The following C16orf74 variants were observed in gnomAD, a reference collection of about 807,000 sequenced individuals.
C16orf74 encodes the protein calcimembrin.
C16orf74 carries 10 observed loss-of-function variants against 6.5 expected under a neutral mutation model. That is an observed-to-expected ratio of 1.54 (90% CI 0.95 to 2.61). The LOEUF is 2.61. C16orf74 is among the 30% of genes most tolerant of loss of function. The pLI is 0.00. For synonymous variants in C16orf74, 60 were observed against 42.5 expected (o/e 1.41, Z -1.60); for missense variants, 141 against 105.9 (o/e 1.33, Z -1.45).
chr16:85,744,641 T>A (rs567598164), intron 1 of C16orf74, among the ~76,000 whole-genome samples: 8 of 151,642 alleles, frequency 5.3e-5, no homozygotes, highest in African/African-American at 1.9e-4. Context: ...CCATCCTGGC[T>A]AACACGGTGA....
At chr16:85,735,431 G>C (rs1207177387) in intron 1 of C16orf74, among the ~76,000 whole-genome samples, 196 bp from the exon 2 acceptor site, 1 of 152,178 alleles carries the variant, frequency 6.6e-6, no homozygotes, top group African/African-American at 2.4e-5. Flanking sequence ...GTCTGTGACG[G>C]TGGAAAAAAC....
At chr16:85,746,920 G>A (rs2054380215) in intron 1 of C16orf74, among the ~76,000 whole-genome samples, 1 of 152,228 alleles carries the variant, frequency 6.6e-6, no homozygotes, top group Non-Finnish European at 1.5e-5. Flanking sequence ...GATACTGCAA[G>A]CATTCATGTG....
In C16orf74 at chr16:85,745,139, T is replaced by TAAAAAAAAAAAAA. The variant is rs10554549; in HGVS notation, c.-19+5774_-19+5786dup. Among the ~76,000 whole-genome samples the TAAAAAAAAAAAAA allele has an allele frequency of 2.1e-3, 106 of 51,010 alleles. 5 individuals carry two copies. The highest frequency in any genetic ancestry group is 9.5e-3 in the African/African-American group (106 of 11,150). The allele number at this position is 51,010 out of a possible 152,430, so 33.5% of individuals were successfully genotyped here. A position where few individuals can be genotyped will look rare whatever the true frequency, so the allele number is the denominator to read the frequency against. ...CTGGGCAACAAGACGAAACTCTGTC[T>TAAAAAAAAAAAAA]AAAAAAAAAAAAAAAAAAAAAAAAA... is the stretch of plus-strand genomic sequence containing the variant. On this transcript the variant is annotated intron_variant, in intron 1 of 3. Coordinates refer to ENST00000284245, the MANE Select transcript of C16orf74 (RefSeq NM_206967.3).
intron 3 of C16orf74, 63 bp downstream of exon 3, chr16:85,710,101 G>T: frequency 5.2e-6 from 7 of 1,338,036 alleles, no homozygotes; most frequent in Non-Finnish European, 5.8e-6. Context: ...GGACGCCCCT[G>T]AGAGCTGTCT....
At chr16:85,709,214 C>T (rs748414919) in intron 3 of C16orf74, among the ~76,000 whole-genome samples, 16 of 152,046 alleles carry the variant, frequency 1.1e-4, no homozygotes, top group African/African-American at 3.4e-4. Flanking sequence ...ATTAGCTGGG[C>T]GTGGTGGCAG....
intron 2 of C16orf74, among the ~76,000 whole-genome samples, chr16:85,717,808 G>A (rs1441633508): frequency 6.6e-6 from 1 of 152,228 alleles, no homozygotes; most frequent in Non-Finnish European, 1.5e-5. Context: ...GGGGAGCAGG[G>A]CTGGGGCTTG....
intron 1 of C16orf74, among the ~76,000 whole-genome samples, chr16:85,746,159 G>A (rs2054371131): frequency 6.6e-6 from 1 of 152,116 alleles, no homozygotes. Context: ...AGACCAGCCT[G>A]GCCAACATGA....
chr16:85,744,868 G>T (rs545583106), intron 1 of C16orf74, among the ~76,000 whole-genome samples: 10 of 149,690 alleles, frequency 6.7e-5, no homozygotes, highest in Non-Finnish European at 1.0e-4. Context: ...TCAGCCGGGT[G>T]CAGTGGTTTA....
chr16:85,748,160 G>A lies in C16orf74; in HGVS notation c.-19+2766C>T, dbSNP rs2054395394. ...TATATGTGTGTGTATATATATATAT[G>A]TGTATATATATATATATACACATAC... is the stretch of plus-strand genomic sequence containing the variant. On this transcript the variant is annotated intron_variant, in intron 1 of 3. Coordinates refer to ENST00000284245, the MANE Select transcript of C16orf74 (RefSeq NM_206967.3). 2.2e-5 allele frequency among the ~76,000 whole-genome samples: 3 copies of A among 134,136 alleles called. 1 individual carries two copies. The highest frequency in any genetic ancestry group is 2.2e-4 in the South Asian group (1 of 4,504). The allele number at this position is 134,136 out of a possible 152,430, so 88.0% of individuals were successfully genotyped here. A position where few individuals can be genotyped will look rare whatever the true frequency, so the allele number is the denominator to read the frequency against.
intron 2 of C16orf74, among the ~76,000 whole-genome samples, chr16:85,718,606 A>C (rs2054048370): frequency 6.6e-6 from 1 of 152,204 alleles, no homozygotes; most frequent in African/African-American, 2.4e-5. Flanking sequence ...AACAGTGCCC[A>C]GGTCCGGGTG....
chr16:85,745,139 TAAAAAAAAAAAAA>T (rs10554549), intron 1 of C16orf74, among the ~76,000 whole-genome samples: 5 of 51,008 alleles, frequency 9.8e-5, no homozygotes, highest in South Asian at 1.6e-3. Context: ...AAACTCTGTC[TAAAAAAAAAAAAA>T]AAAAAAAAAA....
chr16:85,742,806 G>A (rs1401461521), intron 1 of C16orf74, among the ~76,000 whole-genome samples: 2 of 152,198 alleles, frequency 1.3e-5, no homozygotes, highest in African/African-American at 4.8e-5. Flanking sequence ...CTCCCAAAGT[G>A]CTGGGATTAC....
At chr16:85,719,781 A>G (rs1567804473) in intron 2 of C16orf74, among the ~76,000 whole-genome samples, 1 of 151,942 alleles carries the variant, frequency 6.6e-6, no homozygotes, top group Non-Finnish European at 1.5e-5. Flanking sequence ...CTGAGGCAGG[A>G]ACAGAGGGGC....
intron 1 of C16orf74, among the ~76,000 whole-genome samples, chr16:85,744,487 A>G (rs890704986): frequency 1.3e-5 from 2 of 152,092 alleles, no homozygotes; most frequent in Non-Finnish European, 2.9e-5. Context: ...AATTATTTGC[A>G]CAACAGCTTG....
intron 2 of C16orf74, among the ~76,000 whole-genome samples, chr16:85,731,483 C>T (rs1034572667): frequency 2.0e-5 from 3 of 152,132 alleles, no homozygotes; most frequent in African/African-American, 4.8e-5. Context: ...GTCCCTGGGC[C>T]AGGCTGCGGG....
At chr16:85,750,220 A>G (rs1597186860) in intron 1 of C16orf74, among the ~76,000 whole-genome samples, 1 of 152,132 alleles carries the variant, frequency 6.6e-6, no homozygotes, top group East Asian at 1.9e-4. Flanking sequence ...AAGCCTGTCG[A>G]GCCTGCACAG....
intron 2 of C16orf74, among the ~76,000 whole-genome samples, chr16:85,715,018 A>G (rs1365958455): frequency 8.6e-5 from 13 of 151,766 alleles, no homozygotes; most frequent in Non-Finnish European, 1.6e-4. Flanking sequence ...TTAGGCAGGC[A>G]CGGTGGCGGG....
At position 85,710,200 on chromosome 16, in the gene C16orf74, T is replaced by G. The variant is rs759075732; in HGVS notation, c.136A>C (p.Thr46Pro). 6.7e-7 allele frequency: 1 copy of G among 1,489,640 alleles called. No homozygotes were observed. The highest frequency in any genetic ancestry group is 2.9e-5 in the Admixed American group (1 of 34,738). The allele number at this position is 1,489,640 out of a possible 1,614,324, so 92.3% of individuals were successfully genotyped here. A position where few individuals can be genotyped will look rare whatever the true frequency, so the allele number is the denominator to read the frequency against. ...AAGTCCCTCGGCAGCATCATGCCCG[T>G]GGGGGTGGGGGGCGTGATGATGATG... is the stretch of plus-strand genomic sequence containing the variant. ...PDIIITPPTP[T>P]GMMLPRDLGS... The change falls in exon 3 of 4, where the codon ACG (threonine) becomes CCG (proline). Residue 46 changes from threonine to proline, a missense_variant. Transcript: ENST00000284245.
intron 2 of C16orf74, among the ~76,000 whole-genome samples, chr16:85,719,104 C>G (rs1023023302): frequency 6.6e-6 from 1 of 152,260 alleles, no homozygotes; most frequent in Non-Finnish European, 1.5e-5. Context: ...GGCTTTCTCA[C>G]CTGCAGAGCC....
Sources: allele counts gnomAD v4.1 joint callset (sites outside exome capture counted in the v4.1 genomes callset), GRCh38; gene constraint gnomAD v4.1.1; transcripts MANE v1.5; gene names NCBI Gene and HGNC (gene_info 2026-07-23, HGNC 2026-07-21).